LUC7L2: variants seen among roughly 807,000 people sequenced by gnomAD.
LUC7L2 encodes the protein putative RNA-binding protein Luc7-like 2.
A neutral mutation model predicts 52.8 loss-of-function variants in LUC7L2; 25 were observed. The ratio of observed to expected loss-of-function variants is 0.47; its 90% confidence interval spans 0.34 to 0.66. The LOEUF (loss-of-function observed/expected upper bound fraction) is 0.66, where lower values mean the gene tolerates loss of function less well. LUC7L2 is among the 30% of genes least tolerant of loss of function. The pLI, the probability that LUC7L2 is intolerant of heterozygous loss-of-function variation, is 0.01. For synonymous variants in LUC7L2, 144 were observed against 160.9 expected (o/e 0.89, Z 0.80); for missense variants, 328 against 497.8 (o/e 0.66, Z 3.25).
chr7:139,341,552 G>T (rs768169920), intron 1 of LUC7L2: 1 of 1,601,392 alleles, frequency 6.2e-7, no homozygotes. Context: ...GGTGCTCTAC[G>T]TGCTGGGGAG....
chr7:139,379,137 G>T (rs894513197), intron 2 of LUC7L2, among the ~76,000 whole-genome samples: 4 of 152,160 alleles, frequency 2.6e-5, no homozygotes, highest in Non-Finnish European at 5.9e-5. Context: ...TTACAGGTGT[G>T]ATTAGGTGTG....
At chr7:139,352,265 G>T (rs1212684156) in intron 1 of LUC7L2, among the ~76,000 whole-genome samples, 1 of 151,980 alleles carries the variant, frequency 6.6e-6, no homozygotes, top group African/African-American at 2.4e-5. Flanking sequence ...TGAGGCAGGA[G>T]GATGGCTTGG....
In LUC7L2 at chr7:139,360,088, G is replaced by A. The variant is rs1799783818; in HGVS notation, c.-174G>A. The A allele has an allele frequency of 1.8e-6, 1 of 561,570 alleles. No individual in the cohort carries two copies. The highest frequency in any genetic ancestry group is 3.1e-6 in the Non-Finnish European group (1 of 318,236). 34.8% of individuals were successfully genotyped at this position (561,570 alleles called of 1,614,324 possible). A position where few individuals can be genotyped will look rare whatever the true frequency, so the allele number is the denominator to read the frequency against. On this transcript the variant is annotated 5_prime_UTR_variant, in exon 1 of 10. Transcript: ENST00000354926. ...TCTTCCACGTACACGTCGTCGTGAG[G>A]AGCGCAGTCCGGACTCTTCCCGCAA...
chr7:139,356,046 C>T (rs1032097560), upstream of LUC7L2, among the ~76,000 whole-genome samples: 1 of 152,192 alleles, frequency 6.6e-6, no homozygotes, highest in Admixed American at 6.5e-5. Flanking sequence ...GTGGCTCACA[C>T]CTGTAATTCC....
intron 1 of LUC7L2, among the ~76,000 whole-genome samples, chr7:139,347,629 G>A (rs1329758934): frequency 6.6e-6 from 1 of 151,698 alleles, no homozygotes; most frequent in East Asian, 1.9e-4. Flanking sequence ...TCTTCTAAGA[G>A]GTTAACATTA....
At chr7:139,368,737 C>CAA (rs779546165) in intron 1 of LUC7L2, among the ~76,000 whole-genome samples, 5 of 110,650 alleles carry the variant, frequency 4.5e-5, no homozygotes, top group East Asian at 5.0e-4. Context: ...GACACCGTCT[C>CAA]AAAAAAAAAA....
intron 5 of LUC7L2, 67 bp downstream of exon 5, chr7:139,405,854 A>G (rs976387741): frequency 1.9e-5 from 29 of 1,500,178 alleles, no homozygotes; most frequent in Non-Finnish European, 2.3e-5. Context: ...AAAGTAGTAG[A>G]TGAAACTTCA....
intron 1 of LUC7L2, among the ~76,000 whole-genome samples, chr7:139,363,667 C>A (rs1799991795): frequency 6.6e-6 from 1 of 151,996 alleles, no homozygotes; most frequent in Non-Finnish European, 1.5e-5. Flanking sequence ...TAGTTGTTAG[C>A]AGAGGGGAGA....
At chr7:139,362,025 A>ATG (rs1799910259) in intron 1 of LUC7L2, among the ~76,000 whole-genome samples, 1 of 151,578 alleles carries the variant, frequency 6.6e-6, no homozygotes, top group Non-Finnish European at 1.5e-5. Flanking sequence ...ATTTAAATAT[A>ATG]TATATTTCTG....
chr7:139,370,179 T>C lies in LUC7L2; in HGVS notation c.62-5883T>C, dbSNP rs557341092. On this transcript the variant is annotated intron_variant, in intron 1 of 9. Coordinates refer to ENST00000354926, the MANE Select transcript of LUC7L2 (RefSeq NM_016019.5). ...AAAATGAACCCTATACTTTGGATGG[T>C]TTAAATATACAGTGGGTTAAACTGA... is the stretch of plus-strand genomic sequence containing the variant. Among the ~76,000 whole-genome samples, 3 of 152,342 alleles carry C rather than the reference T, an allele frequency of 2.0e-5. No individual in the cohort carries two copies. In the South Asian group the frequency reaches 6.2e-4, roughly 32 times the overall value.
intron 2 of LUC7L2, among the ~76,000 whole-genome samples, chr7:139,395,602 A>G (rs7800795): frequency 0.17 from 25,759 of 152,190 alleles, 2,274 homozygotes; most frequent in Middle Eastern, 0.28. Flanking sequence ...TTATATAATT[A>G]AGAACTGAAG....
intron 6 of LUC7L2, among the ~76,000 whole-genome samples, chr7:139,408,732 C>T (rs1008244244): frequency 1.3e-5 from 2 of 151,830 alleles, no homozygotes; most frequent in African/African-American, 4.8e-5. Flanking sequence ...GTCCCAGCTA[C>T]TCTGGAGACT....
intron 1 of LUC7L2, chr7:139,374,607 T>C (rs1448121328): frequency 2.7e-6 from 4 of 1,496,652 alleles, no homozygotes; most frequent in Non-Finnish European, 3.6e-6. Context: ...TTCCAAATTG[T>C]GTCAAAAATA....
At chr7:139,372,464 A>C (rs1284922021) in intron 1 of LUC7L2, among the ~76,000 whole-genome samples, 1 of 151,490 alleles carries the variant, frequency 6.6e-6, no homozygotes, top group Non-Finnish European at 1.5e-5. Context: ...TTTTTTTTCT[A>C]CTTTACTTTG....
chr7:139,381,263 T>G lies in LUC7L2; in HGVS notation c.156+5107T>G, dbSNP rs552173876. Among the ~76,000 whole-genome samples, 8 of 152,266 alleles carry G rather than the reference T, an allele frequency of 5.3e-5. No homozygotes were observed. The East Asian group carries it at 1.5e-3, about 29-fold the overall frequency. Reference sequence around the variant, plus strand: ...ATTCAGTTATCCAGGGCAGTGACTTTCACATGTTTCTGAAACATCCTTGGA... The same window carrying G: ...ATTCAGTTATCCAGGGCAGTGACTTGCACATGTTTCTGAAACATCCTTGGA... On this transcript the variant is annotated intron_variant, in intron 2 of 9. Coordinates refer to ENST00000354926, the MANE Select transcript of LUC7L2 (RefSeq NM_016019.5).
intron 1 of LUC7L2, among the ~76,000 whole-genome samples, chr7:139,371,684 A>AG (rs1800459387): frequency 6.6e-6 from 1 of 152,302 alleles, no homozygotes; most frequent in African/African-American, 2.4e-5. Context: ...CAGAAAAGGC[A>AG]GGACCATAGA....
At chr7:139,375,707 G>C in intron 1 of LUC7L2, 1 of 804,838 alleles carries the variant, frequency 1.2e-6, no homozygotes. Context: ...GGGTCTGCAA[G>C]TTGCTTAACC....
chr7:139,353,299 T>C (rs148990353), intron 1 of LUC7L2, among the ~76,000 whole-genome samples: 1 of 152,332 alleles, frequency 6.6e-6, no homozygotes, highest in East Asian at 1.9e-4. Flanking sequence ...TTACCATATT[T>C]AGTTCATAAA....
chr7:139,380,675 C>T (rs1442405882), intron 2 of LUC7L2, among the ~76,000 whole-genome samples: 6 of 152,168 alleles, frequency 3.9e-5, no homozygotes, highest in African/African-American at 1.4e-4. Context: ...TAGTCTCTCT[C>T]TTTTCCTCAT....
Sources: gnomAD v4.1 joint callset for allele counts (sites outside exome capture counted in the v4.1 genomes callset) on GRCh38, gnomAD v4.1.1 for gene constraint, MANE v1.5 for transcripts, NCBI Gene and HGNC (gene_info 2026-07-23, HGNC 2026-07-21) for gene names.